PCED1B: variants seen among roughly 807,000 people sequenced by gnomAD.
PCED1B encodes the protein PC-esterase domain containing 1B.
For synonymous variants in PCED1B, 251 were observed against 246.1 expected (o/e 1.02, Z -0.19); for missense variants, 573 against 573.9 (o/e 1.00, Z 0.02).
intron 2 of PCED1B, among the ~76,000 whole-genome samples, chr12:47,124,889 G>A (rs934021454): frequency 6.6e-6 from 1 of 151,880 alleles, no homozygotes; most frequent in East Asian, 1.9e-4. Flanking sequence ...AGAGTTGTGG[G>A]AGTTCTTTAT....
intron 2 of PCED1B, among the ~76,000 whole-genome samples, chr12:47,139,403 A>G (rs368492682): frequency 6.6e-6 from 1 of 150,988 alleles, no homozygotes; most frequent in Non-Finnish European, 1.5e-5. Context: ...AAGGATCTCT[A>G]AGGAAAAGGG....
At chr12:47,174,218 G>A (rs780842097) in intron 2 of PCED1B, among the ~76,000 whole-genome samples, 1 of 151,846 alleles carries the variant, frequency 6.6e-6, no homozygotes, top group Non-Finnish European at 1.5e-5. Context: ...AGACCAGCCT[G>A]GCCAACATGG....
At chr12:47,105,441 G>A (rs1482046046) in intron 2 of PCED1B, among the ~76,000 whole-genome samples, 1 of 152,168 alleles carries the variant, frequency 6.6e-6, no homozygotes, top group East Asian at 1.9e-4. Flanking sequence ...AATACAGATG[G>A]TGAAGGGTGG....
intron 2 of PCED1B, among the ~76,000 whole-genome samples, chr12:47,182,602 G>A (rs1234387485): frequency 1.2e-4 from 18 of 145,586 alleles, no homozygotes; most frequent in Admixed American, 8.2e-4. Flanking sequence ...AAAAAAAAAA[G>A]AAAAAAAAAG....
intron 2 of PCED1B, among the ~76,000 whole-genome samples, chr12:47,106,288 T>C (rs576303202): frequency 1.3e-5 from 2 of 152,304 alleles, no homozygotes; most frequent in Admixed American, 1.3e-4. Context: ...CTTTTTAAAG[T>C]CAAGAGCTGT....
intron 2 of PCED1B, among the ~76,000 whole-genome samples, chr12:47,196,150 G>A (rs1192083868): frequency 2.0e-5 from 3 of 152,186 alleles, no homozygotes; most frequent in Non-Finnish European, 4.4e-5. Context: ...GAGTGTTTAT[G>A]TGTGTAACTT....
At chr12:47,158,849 T>G (rs1443246147) in intron 2 of PCED1B, among the ~76,000 whole-genome samples, 1 of 152,176 alleles carries the variant, frequency 6.6e-6, no homozygotes, top group Non-Finnish European at 1.5e-5. Context: ...ACTCTGCTAT[T>G]GAACATTAAA....
rs552719750 is a variant in PCED1B, at chr12:47,110,821, G to A, written c.-526+6626G>A. 6.6e-5 allele frequency among the ~76,000 whole-genome samples: 10 copies of A among 152,268 alleles called. No homozygotes were observed. In the South Asian group the frequency reaches 1.2e-3, roughly 19 times the overall value. ...TATTGATCAGGTTCTTCTCTGCTGA[G>A]TCAATGACAAACACACACAAAGCTT... On this transcript the variant is annotated intron_variant, in intron 2 of 3. Transcript: ENST00000546455.
At chr12:47,209,187 C>T (rs1042364684) in intron 2 of PCED1B, 3 of 152,212 alleles carry the variant, frequency 2.0e-5, no homozygotes, top group Admixed American at 1.3e-4. Context: ...AACCAGCCCT[C>T]CAGGAAGTCC....
Position 47,227,425 on chromosome 12 carries a change from G to A in PCED1B, c.-57-7582G>A, listed in dbSNP as rs539474507. Reference sequence around the variant, plus strand: ...TGACCCCAGGTGATCCACCCACCTCGGCCTTCCAAAGTGCTGGGCTTACAG... The same window carrying A: ...TGACCCCAGGTGATCCACCCACCTCAGCCTTCCAAAGTGCTGGGCTTACAG... On this transcript the variant is annotated intron_variant, in intron 3 of 3. Transcript: ENST00000546455. Among the ~76,000 whole-genome samples the A allele has an allele frequency of 4.0e-4, 61 of 152,010 alleles. 1 individual carries two copies. The highest frequency in any genetic ancestry group is 1.4e-3 in the African/African-American group (57 of 41,504).
chr12:47,155,590 C>T (rs1478180514), intron 2 of PCED1B, among the ~76,000 whole-genome samples: 1 of 152,142 alleles, frequency 6.6e-6, no homozygotes, highest in African/African-American at 2.4e-5. Flanking sequence ...TATTTCCAAT[C>T]CTTTCAACTA....
rs144403950 is a variant in PCED1B at position 47,102,469 on chromosome 12, T to C, written c.-608-1644T>C. ...GTGTTATACAGTTTTCCCTGCAACA[T>C]GATGTCAGTCTGCAAAGGGTCTTTG... On this transcript the variant is annotated intron_variant, in intron 1 of 3. Transcript: ENST00000546455. 3.3e-5 allele frequency among the ~76,000 whole-genome samples: 5 copies of C among 152,314 alleles called. 1 individual carries two copies. Among genetic ancestry groups the C allele is most frequent in the Non-Finnish European group, 1.5e-5 (1 of 68,012 alleles).
In PCED1B at chr12:47,095,541, T is replaced by C. The variant is rs1223097029; in HGVS notation, c.-608-8572T>C. ...TCCTTTTTGGAACTCCAATTATATA[T>C]ATGTGAAAAGTTTCATGTGTATCTT... is the stretch of plus-strand genomic sequence containing the variant. On this transcript the variant is annotated intron_variant, in intron 1 of 3. Coordinates refer to ENST00000546455, the MANE Select transcript of PCED1B (RefSeq NM_138371.3). Among the ~76,000 whole-genome samples the C allele has an allele frequency of 2.0e-5, 3 of 152,312 alleles. No homozygotes were observed. In the South Asian group the frequency reaches 6.2e-4, roughly 32 times the overall value.
At chr12:47,220,930 C>G (rs190294613) in intron 3 of PCED1B, among the ~76,000 whole-genome samples, 1 of 152,252 alleles carries the variant, frequency 6.6e-6, no homozygotes, top group Non-Finnish European at 1.5e-5. Flanking sequence ...AAAAGGCCCT[C>G]TGGGCTTATA....
At chr12:47,215,150 A>ACCC (rs1164252842) in intron 2 of PCED1B, among the ~76,000 whole-genome samples, 6 of 150,036 alleles carry the variant, frequency 4.0e-5, no homozygotes, top group Non-Finnish European at 5.9e-5. Context: ...TCATCTTGGT[A>ACCC]TTTGTAGGGA....
intron 2 of PCED1B, among the ~76,000 whole-genome samples, chr12:47,211,313 C>G (rs1193995858): frequency 1.3e-5 from 2 of 152,140 alleles, no homozygotes; most frequent in African/African-American, 4.8e-5. Flanking sequence ...AAAGGAAGAA[C>G]AGCACACATC....
Position 47,093,368 on chromosome 12 carries a change from A to AT in PCED1B, c.-608-10736dup, listed in dbSNP as rs142397807. Among the ~76,000 whole-genome samples, 36 of 147,702 alleles carry AT rather than the reference A, an allele frequency of 2.4e-4. 1 individual carries two copies. In the South Asian group the frequency reaches 7.1e-3, roughly 29 times the overall value. On this transcript the variant is annotated intron_variant, in intron 1 of 3. Transcript: ENST00000546455. ...CTGTTGTTGCGAATTTGTTTTGTCTATTTTTTTTTCTTTTGATCAGTCTTC... is the reference window on the plus strand; with the variant it reads ...CTGTTGTTGCGAATTTGTTTTGTCTATTTTTTTTTTCTTTTGATCAGTCTTC...
chr12:47,083,380 G>T (rs990906238), intron 1 of PCED1B, among the ~76,000 whole-genome samples: 1 of 152,010 alleles, frequency 6.6e-6, no homozygotes, highest in Non-Finnish European at 1.5e-5. Flanking sequence ...TGGAGATGGA[G>T]CTCACTGGGG....
chr12:47,085,369 A>G (rs1227945615), intron 1 of PCED1B, among the ~76,000 whole-genome samples: 1 of 152,220 alleles, frequency 6.6e-6, no homozygotes, highest in Non-Finnish European at 1.5e-5. Flanking sequence ...TTCTCTCTCC[A>G]GTGAATGACG....
Sources: gnomAD v4.1 joint callset for allele counts (sites outside exome capture counted in the v4.1 genomes callset) on GRCh38, gnomAD v4.1.1 for gene constraint, MANE v1.5 for transcripts, NCBI Gene and HGNC (gene_info 2026-07-23, HGNC 2026-07-21) for gene names.